Variants in AFAP1L2 observed in about 807,000 individuals in gnomAD.
The protein encoded by AFAP1L2 is actin filament associated protein 1 like 2.
Under a neutral mutation model 99.3 loss-of-function variants are expected in AFAP1L2, and 46 were observed. The observed-to-expected ratio is 0.46, with a 90% CI of 0.37 to 0.59. The LOEUF is 0.59. AFAP1L2 is among the 20% of genes least tolerant of loss of function. AFAP1L2 has a pLI of 0.00. For missense variants in AFAP1L2, 959 were observed against 1,034.9 expected (o/e 0.93, Z 1.01); for synonymous variants, 397 against 419.1 (o/e 0.95, Z 0.64).
chr10:114,388,398 TC>T (rs914770099), intron 1 of AFAP1L2, among the ~76,000 whole-genome samples: 92 of 152,004 alleles, frequency 6.1e-4, no homozygotes, highest in African/African-American at 2.1e-3. Context: ...AAATGTCACC[TC>T]CCCAGAGAGA....
intron 1 of AFAP1L2, among the ~76,000 whole-genome samples, chr10:114,382,350 C>T (rs893320336): frequency 1.3e-5 from 2 of 152,022 alleles, no homozygotes; most frequent in African/African-American, 4.8e-5. Context: ...GCTCGAGATA[C>T]AGCCTTGACT....
chr10:114,340,635 G>T lies in AFAP1L2; in HGVS notation c.113C>A (p.Ala38Glu). The part of the protein sequence containing the change: ...STALVKKSCL[A>E]ELLRLYTKSS... ...TTTGGTGTAAAGCCGGAGGAGCTCC[G>T]CCAGGCAGCTCTTCTTCACCAGTGC... The change falls in exon 2 of 19, where the codon GCG becomes GAG. Residue 38 changes from alanine to glutamate, a missense_variant. Around this residue, in one of 2 missense-constraint regions of AFAP1L2, gnomAD observed 383 missense variants for 472.8 expected, o/e 0.81. Coordinates refer to ENST00000304129, the MANE Select transcript of AFAP1L2 (RefSeq NM_001001936.3). The T allele has an allele frequency of 6.2e-7, 1 of 1,614,196 alleles. No individual in the cohort carries two copies. The highest frequency in any genetic ancestry group is 8.5e-7 in the Non-Finnish European group (1 of 1,180,040).
intron 1 of AFAP1L2, among the ~76,000 whole-genome samples, chr10:114,362,535 G>A (rs756866108): frequency 3.3e-5 from 5 of 152,172 alleles, no homozygotes; most frequent in Admixed American, 6.5e-5. Flanking sequence ...AGCTAGAAGA[G>A]GCAAGGAAGG....
intron 1 of AFAP1L2, among the ~76,000 whole-genome samples, chr10:114,371,748 G>A (rs528983542): frequency 1.9e-3 from 282 of 150,978 alleles, no homozygotes; most frequent in Non-Finnish European, 3.4e-3. Context: ...ACCATGGCAC[G>A]TGTATACCTA....
At chr10:114,383,808 CA>C (rs1193085419) in intron 1 of AFAP1L2, among the ~76,000 whole-genome samples, 1 of 152,146 alleles carries the variant, frequency 6.6e-6, no homozygotes, top group Non-Finnish European at 1.5e-5. Flanking sequence ...GAGACATAAC[CA>C]GGGAGGGAAA....
chr10:114,304,447 A>C (rs1413280973), intron 11 of AFAP1L2, among the ~76,000 whole-genome samples: 1 of 152,210 alleles, frequency 6.6e-6, no homozygotes, highest in African/African-American at 2.4e-5. Flanking sequence ...AATCCCCAGC[A>C]GCTTTTCCAG....
chr10:114,366,067 C>T (rs1012537979), intron 1 of AFAP1L2, among the ~76,000 whole-genome samples: 2 of 152,074 alleles, frequency 1.3e-5, no homozygotes, highest in African/African-American at 4.8e-5. Flanking sequence ...TCATCACGTA[C>T]TTGTAACCAT....
intron 1 of AFAP1L2, among the ~76,000 whole-genome samples, chr10:114,395,695 C>T (rs2057628993): frequency 2.6e-5 from 4 of 152,076 alleles, no homozygotes; most frequent in Admixed American, 2.6e-4. Flanking sequence ...TAAGACAGTC[C>T]CCTAAACCCA....
the AFAP1L2 span, chr10:114,286,052 CG>C: frequency 1.2e-6 from 2 of 1,613,990 alleles, no homozygotes; most frequent in African/African-American, 2.7e-5. Context: ...GCGGTTTGTG[CG>C]GGCCGTGCTG....
chr10:114,282,468 C>A, the AFAP1L2 span: 2 of 1,476,624 alleles, frequency 1.4e-6, no homozygotes, highest in East Asian at 2.3e-5. Flanking sequence ...TTTCTGCCCT[C>A]CCCTTACACC....
chr10:114,336,407 T>C (rs1461064289), intron 2 of AFAP1L2, among the ~76,000 whole-genome samples: 1 of 152,212 alleles, frequency 6.6e-6, no homozygotes, highest in East Asian at 1.9e-4. Flanking sequence ...GTGTTGGGGA[T>C]ACAGCAGAAA....
intron 1 of AFAP1L2, among the ~76,000 whole-genome samples, chr10:114,373,056 A>G (rs2054325716): frequency 6.6e-6 from 1 of 152,182 alleles, no homozygotes; most frequent in South Asian, 2.1e-4. Context: ...ATCCCGGGCA[A>G]CAGGGTGAGA....
chr10:114,363,996 C>T (rs140064737), intron 1 of AFAP1L2, among the ~76,000 whole-genome samples: 171 of 152,324 alleles, frequency 1.1e-3, no homozygotes, highest in Non-Finnish European at 2.1e-3. Context: ...CAAACAGAAC[C>T]CTGTCTGTGC....
chr10:114,290,386 G>A (rs1231346884), downstream of AFAP1L2: 3 of 1,549,902 alleles, frequency 1.9e-6, no homozygotes, highest in South Asian at 1.2e-5. Context: ...CTCTTGCTCT[G>A]TATGTGTGAG....
chr10:114,395,307 G>T (rs1006702696), intron 1 of AFAP1L2, among the ~76,000 whole-genome samples: 4 of 152,148 alleles, frequency 2.6e-5, no homozygotes, highest in African/African-American at 9.7e-5. Flanking sequence ...AAGGAGTCTA[G>T]GATAGTAACA....
chr10:114,362,133 G>A (rs1323944657), intron 1 of AFAP1L2, among the ~76,000 whole-genome samples: 1 of 152,150 alleles, frequency 6.6e-6, no homozygotes, highest in Non-Finnish European at 1.5e-5. Flanking sequence ...AGAAGTGAGG[G>A]AGAAATCAGA....
At chr10:114,356,196 C>T (rs2051352466) in intron 1 of AFAP1L2, among the ~76,000 whole-genome samples, 1 of 151,980 alleles carries the variant, frequency 6.6e-6, no homozygotes, top group African/African-American at 2.4e-5. Flanking sequence ...GTGCATATTC[C>T]CCCAGCAGAG....
intron 1 of AFAP1L2, among the ~76,000 whole-genome samples, chr10:114,390,944 C>A (rs1432879154): frequency 6.6e-6 from 1 of 152,188 alleles, no homozygotes; most frequent in Non-Finnish European, 1.5e-5. Context: ...AGCCTTTTGG[C>A]AGCTTCCTTG....
the AFAP1L2 span, among the ~76,000 whole-genome samples, chr10:114,284,451 C>G: frequency 6.6e-6 from 1 of 152,154 alleles, no homozygotes; most frequent in African/African-American, 2.4e-5. Context: ...CTGCAGGATC[C>G]GAAGGCTGGT....
Sources: gnomAD v4.1 joint callset for allele counts (sites outside exome capture counted in the v4.1 genomes callset) on GRCh38, gnomAD v4.1.1 for gene constraint, gnomAD v4.1.1 regional missense constraint, MANE v1.5 for transcripts, NCBI Gene and HGNC (gene_info 2026-07-23, HGNC 2026-07-21) for gene names.